The following RBM20 variants were observed in gnomAD, a reference collection of about 807,000 sequenced individuals.
RBM20 encodes RNA binding motif protein 20.
A neutral mutation model predicts 110.1 loss-of-function variants in RBM20; 51 were observed. The observed-to-expected ratio is 0.46, with a 90% CI of 0.37 to 0.59. The LOEUF (loss-of-function observed/expected upper bound fraction) is 0.59, where lower values mean the gene tolerates loss of function less well. Among genes scored for constraint, RBM20 ranks in the 20% least tolerant of loss-of-function variants. The probability of loss-of-function intolerance (pLI) is 0.00; values close to 1 mark genes in which losing one functional copy is unlikely to be tolerated. For synonymous variants in RBM20, 589 were observed against 618.2 expected, an observed-to-expected ratio of 0.95 and a Z score of 0.70; for missense variants, 1,512 against 1,574.9, an observed-to-expected ratio of 0.96 and a Z score of 0.68.
chr10:110,820,800 A>G (rs914276125), intron 10 of RBM20, among the ~76,000 whole-genome samples: 4 of 152,114 alleles, frequency 2.6e-5, no homozygotes, highest in Non-Finnish European at 4.4e-5. Context: ...GCTGCTGCAG[A>G]TGCCAAGGGG....
At chr10:110,759,689 G>A (rs1203460582) in intron 1 of RBM20, among the ~76,000 whole-genome samples, 1 of 152,180 alleles carries the variant, frequency 6.6e-6, no homozygotes, top group South Asian at 2.1e-4. Context: ...ATTGCCAGGC[G>A]AAAACAGAGA....
intron 1 of RBM20, among the ~76,000 whole-genome samples, chr10:110,665,243 C>G (rs1862159996): frequency 6.6e-6 from 1 of 152,066 alleles, no homozygotes; most frequent in African/African-American, 2.4e-5. Context: ...TTTTGCAACC[C>G]CTGGTGAATA....
At chr10:110,790,807 GTT>G (rs113933134) in intron 5 of RBM20, among the ~76,000 whole-genome samples, 20 of 151,844 alleles carry the variant, frequency 1.3e-4, no homozygotes, top group Non-Finnish European at 2.9e-4. Flanking sequence ...CGATTGATAG[GTT>G]TTTTTTCAGT....
At chr10:110,795,732 CCTT>C (rs1844542316) in intron 5 of RBM20, among the ~76,000 whole-genome samples, 1 of 152,166 alleles carries the variant, frequency 6.6e-6, no homozygotes, top group Non-Finnish European at 1.5e-5. Flanking sequence ...AAAATTATAT[CCTT>C]CTCTTCCACA....
At chr10:110,802,957 T>C (rs543085630) in intron 7 of RBM20, among the ~76,000 whole-genome samples, 2 of 152,328 alleles carry the variant, frequency 1.3e-5, no homozygotes, top group South Asian at 2.1e-4. Flanking sequence ...GAAAGGACTA[T>C]ACTTTGAGTT....
intron 1 of RBM20, among the ~76,000 whole-genome samples, chr10:110,727,361 T>C (rs377457489): frequency 7.4e-6 from 1 of 135,880 alleles, no homozygotes; most frequent in East Asian, 2.0e-4. Flanking sequence ...CAAATGACTC[T>C]CCAGTTGTCA....
intron 5 of RBM20, among the ~76,000 whole-genome samples, chr10:110,797,301 A>G (rs961614934): frequency 6.6e-6 from 1 of 152,130 alleles, no homozygotes; most frequent in Admixed American, 6.5e-5. Flanking sequence ...TCAAAAATAT[A>G]TATATATATA....
intron 12 of RBM20, 52 bp from the exon 13 acceptor site, chr10:110,831,009 C>A: frequency 2.0e-6 from 3 of 1,502,100 alleles, no homozygotes; most frequent in Non-Finnish European, 2.7e-6. Flanking sequence ...ACACAGGGGC[C>A]TGCCTCCCAT....
chr10:110,649,263 A>C (rs536511231), intron 1 of RBM20, among the ~76,000 whole-genome samples: 1 of 151,762 alleles, frequency 6.6e-6, no homozygotes, highest in East Asian at 1.9e-4. Flanking sequence ...TTATTTATTT[A>C]TTTTTGTGGC....
chr10:110,785,047 C>T (rs763696514), intron 5 of RBM20, among the ~76,000 whole-genome samples, 158 bp downstream of exon 5: 11 of 152,330 alleles, frequency 7.2e-5, no homozygotes, highest in South Asian at 2.1e-4. Context: ...CTTCCTGCCT[C>T]GGTCAACCAA....
chr10:110,726,548 C>G (rs1843562350), intron 1 of RBM20, among the ~76,000 whole-genome samples: 1 of 152,178 alleles, frequency 6.6e-6, no homozygotes, highest in African/African-American at 2.4e-5. Context: ...AGTGATGGCC[C>G]TCTAAGCTAC....
intron 7 of RBM20, among the ~76,000 whole-genome samples, chr10:110,803,335 T>C (rs555001010): frequency 1.2e-3 from 188 of 152,316 alleles, no homozygotes; most frequent in African/African-American, 4.2e-3. Context: ...TGATCTCTGT[T>C]GTCTATGTGA....
intron 1 of RBM20, among the ~76,000 whole-genome samples, chr10:110,691,668 A>G (rs566420336): frequency 6.6e-5 from 10 of 152,314 alleles, no homozygotes; most frequent in South Asian, 2.1e-4. Context: ...TGTATTCAGA[A>G]TATAACCCTT....
In RBM20 at chr10:110,644,604, A is replaced by G. The variant is rs376936285; in HGVS notation, c.150A>G (p.Pro50=). Residue 50 remains proline (P), a synonymous_variant, in exon 1 of 14, where the codon CCA becomes CCG. Coordinates refer to ENST00000369519, the MANE Select transcript of RBM20 (RefSeq NM_001134363.3). This position sits in a 1 kb window ranked among gnomAD's most constrained non-coding sequence, Gnocchi z 4.3. ...AGCAGCCGCCGCCGCCGCCCCAGCC[A>G]CCGCCCCCGCCCCAAGCCGGCCTAC... ...GMQQPPPPPQ[P]PPPPQAGLPQ... 2 of 1,144,724 alleles carry G rather than the reference A, an allele frequency of 1.7e-6. No individual in the cohort carries two copies. 70.9% of individuals were successfully genotyped at this position (1,144,724 alleles called of 1,614,324 possible).
At position 110,810,427 on chromosome 10, in the gene RBM20, C is replaced by T; in HGVS notation, c.1845C>T (p.Ser615=). ...CTGCCATCATCCAGGACATCCATTC[C>T]CAGAGGGAGAGGGACATGTTCCGGG... The part of the protein sequence containing the change: ...AVAAIIQDIH[S]QRERDMFREA... The change falls in exon 8 of 14, where the codon TCC becomes TCT. Residue 615 remains serine (S), a synonymous_variant. Coordinates refer to ENST00000369519, the MANE Select transcript of RBM20 (RefSeq NM_001134363.3). 1 of 1,551,562 alleles carries T rather than the reference C, an allele frequency of 6.4e-7. No individual in the cohort carries two copies.
chr10:110,814,682 G>C (rs947751710), intron 9 of RBM20, among the ~76,000 whole-genome samples: 2 of 152,118 alleles, frequency 1.3e-5, no homozygotes, highest in Non-Finnish European at 2.9e-5. Flanking sequence ...TTTTAGTAGA[G>C]ACAGGGTTTC....
At chr10:110,782,987 C>A (rs1455580709) in intron 2 of RBM20, among the ~76,000 whole-genome samples, 2 of 151,724 alleles carry the variant, frequency 1.3e-5, no homozygotes, top group Non-Finnish European at 2.9e-5. Context: ...AGTCTACCTG[C>A]CAGATTCTCC....
intron 1 of RBM20, among the ~76,000 whole-genome samples, chr10:110,754,425 C>A (rs1318556387): frequency 2.6e-5 from 4 of 152,118 alleles, no homozygotes; most frequent in Non-Finnish European, 1.5e-5. Context: ...TTCCATATTA[C>A]CTCATTCCCA....
chr10:110,770,839 G>A (rs891214361), intron 1 of RBM20, among the ~76,000 whole-genome samples: 2 of 152,162 alleles, frequency 1.3e-5, no homozygotes, highest in Non-Finnish European at 2.9e-5. Context: ...TGTAGATTAG[G>A]CACTTAACAG....
Sources: gnomAD v4.1 joint callset for allele counts (sites outside exome capture counted in the v4.1 genomes callset) on GRCh38, gnomAD v4.1.1 for gene constraint, Gnocchi (gnomAD v3.1) non-coding constraint, MANE v1.5 for transcripts, NCBI Gene and HGNC (gene_info 2026-07-23, HGNC 2026-07-21) for gene names.